The following NGF variants were observed in gnomAD, a reference collection of about 807,000 sequenced individuals.
The protein encoded by NGF is beta-nerve growth factor.
NGF carries 4 observed loss-of-function variants against 12.8 expected under a neutral mutation model. The ratio of observed to expected loss-of-function variants is 0.31; its 90% CI spans 0.15 to 0.72. NGF has a LOEUF of 0.72. Among genes scored for constraint, NGF ranks in the 30% least tolerant of loss-of-function variants. The probability of loss-of-function intolerance (pLI) is 0.69; values close to 1 mark genes in which losing one functional copy is unlikely to be tolerated. For synonymous variants in NGF, 140 were observed against 130.0 expected (o/e 1.08, Z -0.52); for missense variants, 283 against 330.8 (o/e 0.86, Z 1.12).
At chr1:115,309,938 G>T (rs546905352) in intron 1 of NGF, among the ~76,000 whole-genome samples, 3 of 152,284 alleles carry the variant, frequency 2.0e-5, no homozygotes, top group African/African-American at 7.2e-5. Flanking sequence ...GTCCTGAGAA[G>T]GAAAAAGCTA....
At chr1:115,311,515 G>A (rs1208202155) in intron 1 of NGF, among the ~76,000 whole-genome samples, 1 of 152,134 alleles carries the variant, frequency 6.6e-6, no homozygotes, top group Non-Finnish European at 1.5e-5. Context: ...GGGGGTAGGA[G>A]GGGTGCTACT....
At position 115,286,753 on chromosome 1, in the gene NGF, C is replaced by T. The variant is rs181255687; in HGVS notation, c.43G>A (p.Gly15Ser). The change falls in exon 3 of 3, where the codon GGC becomes AGC. Residue 15 changes from glycine (G) to serine (S), a missense_variant. Physicochemically the swap from Gly to Ser is moderately conservative, Grantham distance 56. This residue lies in a region of NGF where 151 missense variants were observed against 141.6 expected (regional missense o/e 1.07). Coordinates refer to ENST00000369512, the MANE Select transcript of NGF (RefSeq NM_002506.3). ...TCTGAGTGTGGTTCCGCCTGTATGCCGATCAGAAAAGCTGTGATCAGAGTG... is the reference window on the plus strand; with the variant it reads ...TCTGAGTGTGGTTCCGCCTGTATGCTGATCAGAAAAGCTGTGATCAGAGTG... ...FYTLITAFLI[G>S]IQAEPHSESN... The T allele has an allele frequency of 1.1e-5, 18 of 1,613,924 alleles. No homozygotes were observed. Among genetic ancestry groups the T allele is most frequent in the African/African-American group, 9.3e-5 (7 of 74,872 alleles).
chr1:115,336,130 C>A (rs1186272930), intron 1 of NGF, among the ~76,000 whole-genome samples: 1 of 152,156 alleles, frequency 6.6e-6, no homozygotes, highest in African/African-American at 2.4e-5. Context: ...TAGGAGAAGG[C>A]AAGAACCTCA....
chr1:115,333,897 TC>T (rs1408831514), intron 1 of NGF, among the ~76,000 whole-genome samples: 2 of 151,834 alleles, frequency 1.3e-5, no homozygotes, highest in South Asian at 2.1e-4. Context: ...GCTCTGCAGT[TC>T]CTTTTCACTC....
chr1:115,304,993 T>A (rs1654159689), intron 1 of NGF, among the ~76,000 whole-genome samples: 1 of 152,092 alleles, frequency 6.6e-6, no homozygotes, highest in Admixed American at 6.5e-5. Flanking sequence ...AGGATAGAAA[T>A]CCCCAAGAGT....
rs1169424266 is a variant in NGF, at chr1:115,290,405, T to C, written c.-13+3222A>G. Among the ~76,000 whole-genome samples the C allele has an allele frequency of 2.4e-3, 330 of 138,094 alleles. 2 individuals are homozygous for C. The highest frequency in any genetic ancestry group is 8.7e-3 in the African/African-American group (313 of 35,894). The allele number at this position is 138,094 out of a possible 152,430, so 90.6% of individuals were successfully genotyped here. A position where few individuals can be genotyped will look rare whatever the true frequency, so the allele number is the denominator to read the frequency against. ...TCTCATCTTTTTTTTTTTTTTTTTT[T>C]TTTTTTTTGAGATGGAGTCTCGCTC... On this transcript the variant is annotated intron_variant, in intron 2 of 2. Coordinates refer to ENST00000369512, the MANE Select transcript of NGF (RefSeq NM_002506.3).
At chr1:115,321,299 T>C (rs1426708288) in intron 1 of NGF, among the ~76,000 whole-genome samples, 2 of 152,184 alleles carry the variant, frequency 1.3e-5, no homozygotes, top group East Asian at 1.9e-4. Context: ...GCTTCATAAA[T>C]AGTTGATGAA....
At chr1:115,331,055 CA>C (rs1654909017) in intron 1 of NGF, among the ~76,000 whole-genome samples, 1 of 152,108 alleles carries the variant, frequency 6.6e-6, no homozygotes, top group Non-Finnish European at 1.5e-5. Flanking sequence ...AAAAGCAATT[CA>C]AAATCCTTGA....
At position 115,286,196 on chromosome 1, in the gene NGF, A is replaced by G. The variant is rs774626005; in HGVS notation, c.600T>C (p.Tyr200=). The G allele has an allele frequency of 9.3e-6, 15 of 1,614,038 alleles. No individual in the cohort carries two copies. The highest frequency in any genetic ancestry group is 1.1e-5 in the Non-Finnish European group (13 of 1,180,042). The change falls in exon 3 of 3, where the codon TAT becomes TAC. Residue 200 remains tyrosine (Y), a synonymous_variant. Coordinates refer to ENST00000369512, the MANE Select transcript of NGF (RefSeq NM_002506.3). The part of the protein sequence containing the change: ...RGIDSKHWNS[Y]CTTTHTFVKA... Reference sequence around the variant, plus strand: ...TGACAAAGGTGTGAGTCGTGGTACAATATGAGTTCCAGTGCTTTGAGTCAA... The same window carrying G: ...TGACAAAGGTGTGAGTCGTGGTACAGTATGAGTTCCAGTGCTTTGAGTCAA...
chr1:115,320,622 C>T (rs191599334), intron 1 of NGF, among the ~76,000 whole-genome samples: 42 of 152,328 alleles, frequency 2.8e-4, no homozygotes, highest in African/African-American at 9.1e-4. Flanking sequence ...TATCATCACA[C>T]TATTCAGAAT....
intron 2 of NGF, among the ~76,000 whole-genome samples, chr1:115,287,486 A>G (rs183123430): frequency 9.8e-5 from 15 of 152,288 alleles, no homozygotes; most frequent in Non-Finnish European, 1.9e-4. Flanking sequence ...GGACCACATA[A>G]TAGTTCCTCT....
intron 1 of NGF, among the ~76,000 whole-genome samples, chr1:115,336,433 C>T (rs1655110459): frequency 6.6e-6 from 1 of 151,708 alleles, no homozygotes; most frequent in Non-Finnish European, 1.5e-5. Flanking sequence ...TAACCCTATC[C>T]CCCTTCAACA....
rs79451447 is a variant in NGF at position 115,320,758 on chromosome 1, T to C, written c.-137+17446A>G. Among the ~76,000 whole-genome samples, 1,458 of 152,334 alleles carry C rather than the reference T, an allele frequency of 9.6e-3. 29 individuals carry two copies. Among genetic ancestry groups the C allele is most frequent in the African/African-American group, 0.03 (1,228 of 41,564 alleles). ...ACCACAGCTAAGGGGGTGACCACTG[T>C]ATATGAAGCCCATGAAGTGTTGGTA... On this transcript the variant is annotated intron_variant, in intron 1 of 2. Transcript: ENST00000369512.
intron 2 of NGF, among the ~76,000 whole-genome samples, chr1:115,289,553 CT>C (rs1187592963): frequency 6.6e-6 from 1 of 152,196 alleles, no homozygotes; most frequent in African/African-American, 2.4e-5. Context: ...TGCCCTCCTG[CT>C]TCCTGAGGGC....
At position 115,332,543 on chromosome 1, in the gene NGF, C is replaced by G. The variant is rs1654950797; in HGVS notation, c.-137+5661G>C. On this transcript the variant is annotated intron_variant, in intron 1 of 2. Coordinates refer to ENST00000369512, the MANE Select transcript of NGF (RefSeq NM_002506.3). ...AAAAAAAACAACTATGAAGTGGGGG[C>G]TCCCCTCAGATCAGCCCTTCCAAGG... Among the ~76,000 whole-genome samples the G allele has an allele frequency of 2.0e-5, 3 of 152,166 alleles. No individual in the cohort carries two copies. In the South Asian group the frequency reaches 6.2e-4, roughly 32 times the overall value.
intron 1 of NGF, among the ~76,000 whole-genome samples, chr1:115,329,809 GCATGAT>G (rs1654869189): frequency 6.8e-6 from 1 of 148,040 alleles, no homozygotes; most frequent in African/African-American, 2.5e-5. Context: ...GAGTGCAGTG[GCATGAT>G]CATGGCTCAC....
intron 1 of NGF, among the ~76,000 whole-genome samples, chr1:115,327,632 T>A (rs1458872563): frequency 6.6e-6 from 1 of 152,196 alleles, no homozygotes; most frequent in East Asian, 1.9e-4. Context: ...CATTTGTCAT[T>A]GCAATTTTCA....
chr1:115,310,922 G>A (rs1157827310), intron 1 of NGF, among the ~76,000 whole-genome samples: 1 of 152,052 alleles, frequency 6.6e-6, no homozygotes, highest in Non-Finnish European at 1.5e-5. Flanking sequence ...GAGGAGGAAG[G>A]GGACCACAGA....
At chr1:115,332,574 C>T (rs570007835) in intron 1 of NGF, among the ~76,000 whole-genome samples, 1 of 152,246 alleles carries the variant, frequency 6.6e-6, no homozygotes, top group East Asian at 1.9e-4. Context: ...CAAGGGAGAA[C>T]GTGAGGGGAG....
Sources: gnomAD v4.1 joint callset for allele counts (sites outside exome capture counted in the v4.1 genomes callset) on GRCh38, gnomAD v4.1.1 for gene constraint, gnomAD v4.1.1 regional missense constraint, MANE v1.5 for transcripts, NCBI Gene and HGNC (gene_info 2026-07-23, HGNC 2026-07-21) for gene names.